AGBL1: variants seen among roughly 807,000 people sequenced by gnomAD.
AGBL1 encodes AGBL carboxypeptidase 1.
AGBL1 carries 130 observed loss-of-function variants against 118.9 expected under a neutral mutation model. That is an observed-to-expected ratio of 1.09 (90% confidence interval 0.95 to 1.26). The LOEUF (loss-of-function observed/expected upper bound fraction) is 1.26, where lower values mean the gene tolerates loss of function less well. Among genes scored for constraint, AGBL1 ranks in the 50% most tolerant of loss-of-function variants. The pLI is 0.00. For synonymous variants in AGBL1, 555 were observed against 478.9 expected, an observed-to-expected ratio of 1.16 and a Z score of -2.08; for missense variants, 1,584 against 1,298.1, an observed-to-expected ratio of 1.22 and a Z score of -3.38.
intron 24 of AGBL1, among the ~76,000 whole-genome samples, chr15:87,023,942 A>G (rs570587256): frequency 1.1e-4 from 16 of 152,058 alleles, no homozygotes; most frequent in Non-Finnish European, 1.8e-4. Context: ...CTGAATGACA[A>G]TAGTGACACA....
intron 3 of AGBL1, among the ~76,000 whole-genome samples, chr15:86,148,471 G>A (rs917595889): frequency 1.3e-5 from 2 of 152,134 alleles, no homozygotes; most frequent in Middle Eastern, 3.2e-3. Flanking sequence ...CAAGAACTTC[G>A]TGACACATGC....
chr15:86,572,547 T>A (rs1480737023), intron 21 of AGBL1, among the ~76,000 whole-genome samples: 1 of 152,184 alleles, frequency 6.6e-6, no homozygotes, highest in South Asian at 2.1e-4. Flanking sequence ...GCCTCCTGCC[T>A]GCACCGTTCC....
At chr15:86,989,945 G>A (rs1264737465) in intron 24 of AGBL1, among the ~76,000 whole-genome samples, 1 of 152,098 alleles carries the variant, frequency 6.6e-6, no homozygotes, top group Non-Finnish European at 1.5e-5. Context: ...GTGTGAGTGG[G>A]GTTCTATAAA....
At chr15:86,827,433 ATATATATATGTGTGTG>A (rs1567194763) in intron 22 of AGBL1, among the ~76,000 whole-genome samples, 1,685 of 10,716 alleles carry the variant, frequency 0.16, 586 homozygotes, top group East Asian at 0.67. Context: ...ATATATACAC[ATATATATATGTGTGTG>A]TATATATATA....
In AGBL1 at chr15:86,270,013, C is replaced by A. The variant is rs763441711; in HGVS notation, c.1933C>A (p.Pro645Thr). Residue 645 changes from proline to threonine, a missense_variant, in exon 14 of 23, where the codon CCT becomes ACT. Coordinates refer to ENST00000614907, the MANE Select transcript of AGBL1 (RefSeq NM_001386094.1). ...AGTGAGCGGTATGCAGGCGGCCATCCCTTACCACTTCAACATCATCAACTG... is the reference window on the plus strand; with the variant it reads ...AGTGAGCGGTATGCAGGCGGCCATCACTTACCACTTCAACATCATCAACTG... ...FKVSGMQAAI[P>T]YHFNIINCEK... is the part of the protein sequence containing the mutation. 2 of 1,613,454 alleles carry A rather than the reference C, an allele frequency of 1.2e-6. No homozygotes were observed. The highest frequency in any genetic ancestry group is 2.7e-5 in the African/African-American group (2 of 75,056).
At chr15:86,929,453 A>G (rs548642040) in intron 23 of AGBL1, among the ~76,000 whole-genome samples, 2 of 152,294 alleles carry the variant, frequency 1.3e-5, no homozygotes, top group East Asian at 3.9e-4. Context: ...ATTCCCCTCC[A>G]ATATCAACTC....
At chr15:86,665,323 C>T (rs370670551) in intron 21 of AGBL1, among the ~76,000 whole-genome samples, 231 of 80,582 alleles carry the variant, frequency 2.9e-3, no homozygotes, top group African/African-American at 8.8e-3. Flanking sequence ...TTAAGGCTTT[C>T]GAAATACACT....
In AGBL1 at chr15:86,874,381, G is replaced by GACACACACACAC. The variant is rs58756904; in HGVS notation, c.3159-32689_3159-32678dup. Among the ~76,000 whole-genome samples the GACACACACACAC allele has an allele frequency of 2.3e-3, 348 of 149,004 alleles. 3 individuals are homozygous for GACACACACACAC. The highest frequency in any genetic ancestry group is 0.017 in the Middle Eastern group (5 of 290). The stretch of plus-strand genomic sequence containing the variant: ...CCTGCCCCAAGATTGTTGTGGGTGG[G>GACACACACACAC]ACACACACACACACACACACACACA... On this transcript the variant is annotated intron_variant, in intron 22 of 22. Transcript: ENST00000614907.
chr15:86,843,528 T>C (rs192009925), intron 22 of AGBL1, among the ~76,000 whole-genome samples: 2 of 152,138 alleles, frequency 1.3e-5, no homozygotes, highest in African/African-American at 4.8e-5. Context: ...TTTTTTTGTT[T>C]GTATGTTTGG....
At chr15:86,693,619 T>C (rs1367410537) in intron 22 of AGBL1, among the ~76,000 whole-genome samples, 1 of 152,154 alleles carries the variant, frequency 6.6e-6, no homozygotes, top group African/African-American at 2.4e-5. Context: ...TTTATCTTTG[T>C]TTTTGTTGCA....
At chr15:86,212,970 C>T (rs1183165499) in intron 5 of AGBL1, among the ~76,000 whole-genome samples, 1 of 152,116 alleles carries the variant, frequency 6.6e-6, no homozygotes, top group Non-Finnish European at 1.5e-5. Context: ...TTGAAGTCTT[C>T]CCATATCATC....
At chr15:86,390,660 ATTTTTTT>A (rs756052402) in intron 17 of AGBL1, among the ~76,000 whole-genome samples, 40 of 75,474 alleles carry the variant, frequency 5.3e-4, no homozygotes, top group African/African-American at 1.2e-3. Context: ...ATACTGTATG[ATTTTTTT>A]TTTTTTTTTT....
At chr15:86,207,262 C>A (rs754102687) in intron 5 of AGBL1, among the ~76,000 whole-genome samples, 1 of 152,150 alleles carries the variant, frequency 6.6e-6, no homozygotes, top group African/African-American at 2.4e-5. Context: ...CAGCTTTGTT[C>A]TTTTTGCTTA....
intron 17 of AGBL1, among the ~76,000 whole-genome samples, chr15:86,367,686 G>A (rs1310155492): frequency 6.6e-6 from 1 of 152,150 alleles, no homozygotes; most frequent in Admixed American, 6.6e-5. Context: ...AGTATGTGAA[G>A]CTCAGCTGCC....
At chr15:86,536,072 A>G (rs1006781372) in intron 19 of AGBL1, among the ~76,000 whole-genome samples, 5 of 152,136 alleles carry the variant, frequency 3.3e-5, no homozygotes, top group Admixed American at 3.3e-4. Context: ...TTGCTTCCAT[A>G]TTCTTTTATT....
rs541589683 is a variant in AGBL1 at position 86,982,341 on chromosome 15, T to C, written c.3222-5646T>C. On this transcript the variant is annotated intron_variant, in intron 23 of 24. Transcript: ENST00000441037. ...TGTTGATACCTATTTTACTCTTTTA[T>C]AGTATACATTGTATAATGTTGATGG... is the stretch of plus-strand genomic sequence containing the variant. 8.1e-4 allele frequency among the ~76,000 whole-genome samples: 124 copies of C among 152,320 alleles called. 1 individual carries two copies. The highest frequency in any genetic ancestry group is 2.8e-3 in the African/African-American group (117 of 41,588).
intron 5 of AGBL1, among the ~76,000 whole-genome samples, chr15:86,170,902 T>C (rs1343527384): frequency 1.3e-5 from 2 of 148,882 alleles, no homozygotes; most frequent in Non-Finnish European, 3.0e-5. Flanking sequence ...AAAAAAAATC[T>C]TCAAAGCACC....
chr15:86,762,238 A>C (rs558537283), intron 22 of AGBL1, among the ~76,000 whole-genome samples: 20 of 151,930 alleles, frequency 1.3e-4, no homozygotes, highest in Non-Finnish European at 8.8e-5. Context: ...GTGGGAGGAG[A>C]GCATTAGGGA....
intron 21 of AGBL1, among the ~76,000 whole-genome samples, chr15:86,642,252 T>C (rs552817427): frequency 5.3e-5 from 8 of 152,212 alleles, no homozygotes; most frequent in Non-Finnish European, 1.0e-4. Flanking sequence ...AATAAAGAGA[T>C]CTGCCATGCA....
Sources: allele counts gnomAD v4.1 joint callset (sites outside exome capture counted in the v4.1 genomes callset), GRCh38; gene constraint gnomAD v4.1.1; transcripts MANE v1.5; gene names NCBI Gene and HGNC (gene_info 2026-07-23, HGNC 2026-07-21).